Variants in CKAP5 observed in about 807,000 individuals in gnomAD.
The protein encoded by CKAP5 is cytoskeleton associated protein 5.
Under a neutral mutation model 232.8 loss-of-function variants are expected in CKAP5, and 27 were observed. The ratio of observed to expected loss-of-function variants is 0.12; its 90% CI spans 0.09 to 0.16. The LOEUF (loss-of-function observed/expected upper bound fraction) is 0.16. Ranked by LOEUF, CKAP5 falls within the 10% of genes least tolerant of loss-of-function variation. The probability of loss-of-function intolerance (pLI) is 1.00; values close to 1 mark genes in which losing one functional copy is unlikely to be tolerated. For synonymous variants in CKAP5, 785 were observed against 841.1 expected, an observed-to-expected ratio of 0.93 and a Z score of 1.16; for missense variants, 1,838 against 2,424.7, an observed-to-expected ratio of 0.76 and a Z score of 5.08.
At position 46,762,326 on chromosome 11, in the gene CKAP5, T is replaced by C. The variant is rs2065162182; in HGVS notation, c.4028-133A>G. On this transcript the variant is annotated intron_variant, in intron 31 of 43. Transcript: ENST00000529230. ...TCTGGCTCTGCCTAGGATTTTTTGT[T>C]TACTGCCTTTTATCAGTGAAAAAAT... 28 of 1,000,282 alleles carry C rather than the reference T, an allele frequency of 2.8e-5. No homozygotes were observed. The South Asian group carries it at 3.6e-4, about 13-fold the overall frequency. 62.0% of individuals were successfully genotyped at this position (1,000,282 alleles called of 1,614,324 possible).
intron 26 of CKAP5, among the ~76,000 whole-genome samples, 198 bp from the exon 27 acceptor site, chr11:46,767,861 G>A (rs1001864744): frequency 6.6e-6 from 1 of 151,996 alleles, no homozygotes; most frequent in Non-Finnish European, 1.5e-5. Flanking sequence ...TGCCTTCACG[G>A]TGCTCACTGC....
intron 1 of CKAP5, among the ~76,000 whole-genome samples, chr11:46,837,524 A>G (rs555652250): frequency 2.0e-5 from 3 of 152,214 alleles, no homozygotes; most frequent in Non-Finnish European, 4.4e-5. Context: ...CTCAGTACCC[A>G]GGTCTTGTTT....
chr11:46,800,322 T>C (rs1440922852), intron 9 of CKAP5, among the ~76,000 whole-genome samples: 3 of 152,214 alleles, frequency 2.0e-5, no homozygotes, highest in Non-Finnish European at 4.4e-5. Flanking sequence ...TCTGAGATTA[T>C]TTTTAATGCT....
At chr11:46,770,164 G>C (rs555183087) in intron 25 of CKAP5, 66 bp from the exon 26 acceptor site, 2 of 1,516,986 alleles carry the variant, frequency 1.3e-6, no homozygotes, top group East Asian at 4.5e-5. Flanking sequence ...CAAAGCTTAT[G>C]AACAAATCCT....
At chr11:46,838,355 A>G (rs897264927) in intron 1 of CKAP5, among the ~76,000 whole-genome samples, 1 of 152,096 alleles carries the variant, frequency 6.6e-6, no homozygotes, top group Non-Finnish European at 1.5e-5. Flanking sequence ...ACACAGGAAC[A>G]AGCCTGGTGC....
intron 8 of CKAP5, chr11:46,801,905 G>A (rs1404446881): frequency 6.6e-6 from 1 of 152,298 alleles, no homozygotes; most frequent in Non-Finnish European, 1.5e-5. Flanking sequence ...TGCAGGAAAT[G>A]ACCCTGATAA....
Position 46,795,617 on chromosome 11 carries a change from G to A in CKAP5, c.1627C>T (p.Leu543=), listed in dbSNP as rs1391521596. The change falls in exon 13 of 44, where the codon CTA becomes TTA. Residue 543 remains leucine (L), a synonymous_variant. Coordinates refer to ENST00000529230, the MANE Select transcript of CKAP5 (RefSeq NM_001008938.4). Reference sequence around the variant, plus strand: ...ACCTTAGCAGCAGGTGCCTTTTTTAGAGGTCCTGGTTTGGGTGCAGAAATG... The same window carrying A: ...ACCTTAGCAGCAGGTGCCTTTTTTAAAGGTCCTGGTTTGGGTGCAGAAATG... The part of the protein sequence containing the change: ...KDISAPKPGP[L]KKAPAAKAGG... The A allele has an allele frequency of 6.2e-7, 1 of 1,612,340 alleles. No individual in the cohort carries two copies. The highest frequency in any genetic ancestry group is 2.2e-5 in the East Asian group (1 of 44,864).
At chr11:46,837,309 G>C (rs1939939394) in intron 1 of CKAP5, among the ~76,000 whole-genome samples, 1 of 152,140 alleles carries the variant, frequency 6.6e-6, no homozygotes, top group African/African-American at 2.4e-5. Flanking sequence ...GGAGACACCA[G>C]TAGGAACTCA....
At chr11:46,816,553 A>T in intron 3 of CKAP5, 149 bp from the exon 4 acceptor site, 1 of 621,822 alleles carries the variant, frequency 1.6e-6, no homozygotes, top group Admixed American at 3.0e-5. Flanking sequence ...AGAATATTTT[A>T]AAAACTTAAC....
intron 35 of CKAP5, among the ~76,000 whole-genome samples, chr11:46,756,123 C>G (rs2065109336): frequency 6.6e-6 from 1 of 152,172 alleles, no homozygotes; most frequent in African/African-American, 2.4e-5. Flanking sequence ...TTGCAGTACA[C>G]TGGTTGTCAC....
Position 46,811,192 on chromosome 11 carries a change from A to G in CKAP5, c.459-14T>C, listed in dbSNP as rs756607357. The stretch of plus-strand genomic sequence containing the variant: ...GAACCAAATTCACTACAAGTAAAAA[A>G]TTGGGAAAAAACTGTCAACGTGCAA... On this transcript the variant is annotated splice_polypyrimidine_tract_variant and intron_variant, in intron 4 of 43. Coordinates refer to ENST00000529230, the MANE Select transcript of CKAP5 (RefSeq NM_001008938.4). The G allele has an allele frequency of 1.6e-5, 26 of 1,609,374 alleles. No homozygotes were observed. The South Asian group carries it at 2.4e-4, about 15-fold the overall frequency.
At chr11:46,757,768 A>G (rs1370001138) in intron 35 of CKAP5, among the ~76,000 whole-genome samples, 1 of 150,930 alleles carries the variant, frequency 6.6e-6, no homozygotes, top group Non-Finnish European at 1.5e-5. Context: ...TTGTATTTTT[A>G]GTAGAGACGG....
At chr11:46,812,288 G>A (rs774466466) in intron 4 of CKAP5, among the ~76,000 whole-genome samples, 57 of 151,928 alleles carry the variant, frequency 3.8e-4, no homozygotes, top group Middle Eastern at 3.4e-3. Flanking sequence ...CCGAGATCGC[G>A]CCACTGCACT....
chr11:46,752,193 T>TATATATATATATACACACAC (rs1408030107), intron 38 of CKAP5, among the ~76,000 whole-genome samples: 13 of 66,542 alleles, frequency 2.0e-4, no homozygotes, highest in African/African-American at 6.6e-4. Flanking sequence ...TATATATATA[T>TATATATATATATACACACAC]ACACACACAC....
At chr11:46,833,278 G>T (rs1244781336) in intron 1 of CKAP5, among the ~76,000 whole-genome samples, 1 of 151,976 alleles carries the variant, frequency 6.6e-6, no homozygotes, top group Non-Finnish European at 1.5e-5. Context: ...CATGTGTGTG[G>T]ATCTCTAAAA....
intron 24 of CKAP5, among the ~76,000 whole-genome samples, chr11:46,775,866 T>C (rs1428459029): frequency 6.6e-6 from 1 of 152,032 alleles, no homozygotes; most frequent in Admixed American, 6.6e-5. Context: ...GAGAAATACC[T>C]AATGAAGATG....
At chr11:46,767,792 G>A in intron 26 of CKAP5, 129 bp from the exon 27 acceptor site, 1 of 562,932 alleles carries the variant, frequency 1.8e-6, no homozygotes. Context: ...GATGTTTTCA[G>A]TTAGTTTTTT....
In CKAP5 at chr11:46,779,540, A is replaced by AGT. The variant is rs201817434; in HGVS notation, c.2433+653_2433+654insAC. Among the ~76,000 whole-genome samples the AGT allele has an allele frequency of 6.3e-3, 959 of 152,354 alleles. 13 individuals are homozygous for AGT. Among genetic ancestry groups the AGT allele is most frequent in the African/African-American group, 0.022 (915 of 41,596 alleles). ...AAGACAGAGTCTCAGTATGTTGCCC[A>AGT]GGCTGGAGTGCAGTGGCTATTCATA... On this transcript the variant is annotated intron_variant, in intron 20 of 43. Coordinates refer to ENST00000529230, the MANE Select transcript of CKAP5 (RefSeq NM_001008938.4).
In CKAP5 at chr11:46,818,353, C is replaced by G; in HGVS notation, c.208G>C (p.Glu70Gln). ...SNAVVQLKGL[E>Q]AALVYVENAH... ...TTTTCAACATAAACAAGTGCAGCTT[C>G]TAATCCTTTCAATTGAACCACTGCA... The change falls in exon 3 of 44, where the codon GAA (glutamate) becomes CAA (glutamine). Residue 70 changes from glutamate (E) to glutamine (Q), a missense_variant. Coordinates refer to ENST00000529230, the MANE Select transcript of CKAP5 (RefSeq NM_001008938.4). The G allele has an allele frequency of 6.2e-7, 1 of 1,607,742 alleles. No individual in the cohort carries two copies. Among genetic ancestry groups the G allele is most frequent in the African/African-American group, 1.3e-5 (1 of 74,564 alleles).
Sources: allele counts gnomAD v4.1 joint callset (sites outside exome capture counted in the v4.1 genomes callset), GRCh38; gene constraint gnomAD v4.1.1; transcripts MANE v1.5; gene names NCBI Gene and HGNC (gene_info 2026-07-23, HGNC 2026-07-21).